TMEM132B: variants seen among roughly 807,000 people sequenced by gnomAD.
TMEM132B encodes the protein transmembrane protein 132B.
In TMEM132B, 18 loss-of-function variants were observed where a neutral mutation model predicts 90.8. The ratio of observed to expected loss-of-function variants is 0.20; its 90% CI spans 0.14 to 0.29. The LOEUF (loss-of-function observed/expected upper bound fraction) is 0.29, where lower values mean the gene tolerates loss of function less well. Among genes scored for constraint, TMEM132B ranks in the 10% least tolerant of loss-of-function variants. The pLI is 1.00. For missense variants in TMEM132B, 1,096 were observed against 1,326.8 expected, an observed-to-expected ratio of 0.83 and a Z score of 2.70; for synonymous variants, 504 against 523.3, an observed-to-expected ratio of 0.96 and a Z score of 0.50.
intron 4 of TMEM132B, among the ~76,000 whole-genome samples, chr12:125,570,108 C>A (rs974731932): frequency 5.3e-5 from 8 of 152,270 alleles, no homozygotes; most frequent in Admixed American, 1.3e-4. Flanking sequence ...TCCTACTCCA[C>A]CCCGGGCAGT....
chr12:125,290,616 TG>T (rs1466345396), intron 1 of TMEM132B, among the ~76,000 whole-genome samples: 2 of 152,266 alleles, frequency 1.3e-5, no homozygotes, highest in Non-Finnish European at 2.9e-5. Flanking sequence ...GGGACTCATC[TG>T]TGCTGATCTA....
intron 4 of TMEM132B, among the ~76,000 whole-genome samples, chr12:125,554,427 TAAAAAAAAAAAAAAAA>T (rs71447048): frequency 1.4e-5 from 1 of 69,480 alleles, no homozygotes; most frequent in African/African-American, 5.0e-5. Flanking sequence ...TCCATTTCAT[TAAAAAAAAAAAAAAAA>T]AAAAAAAAAA....
chr12:125,627,985 A>G (rs1886274007), intron 5 of TMEM132B, among the ~76,000 whole-genome samples: 1 of 152,196 alleles, frequency 6.6e-6, no homozygotes, highest in Non-Finnish European at 1.5e-5. Flanking sequence ...GTTGCAAATG[A>G]CAAGAGCTCA....
chr12:125,523,323 C>T (rs1212732832), intron 4 of TMEM132B, among the ~76,000 whole-genome samples: 6 of 152,000 alleles, frequency 3.9e-5, no homozygotes, highest in East Asian at 3.9e-4. Flanking sequence ...TATTCTGTAC[C>T]GTTTCCAGCT....
chr12:125,258,414 A>G (rs1013074245), intron 1 of TMEM132B, among the ~76,000 whole-genome samples: 15 of 152,216 alleles, frequency 9.9e-5, no homozygotes, highest in Admixed American at 9.2e-4. Context: ...GGAAGCACCA[A>G]TGACTTCCTC....
chr12:125,363,633 G>C (rs1228223327), intron 2 of TMEM132B, among the ~76,000 whole-genome samples: 1 of 152,130 alleles, frequency 6.6e-6, no homozygotes, highest in Non-Finnish European at 1.5e-5. Flanking sequence ...CAGGCACTTT[G>C]CTATGTGCTT....
intron 5 of TMEM132B, among the ~76,000 whole-genome samples, chr12:125,640,579 G>A (rs746906509): frequency 6.6e-6 from 1 of 152,162 alleles, no homozygotes; most frequent in African/African-American, 2.4e-5. Context: ...CCCCTGTAAG[G>A]TGTTTGGATT....
In TMEM132B at chr12:125,209,413, T is replaced by G. The variant is rs1476731844; in HGVS notation, c.67+22547T>G. 6.6e-6 allele frequency among the ~76,000 whole-genome samples: 1 copy of G among 152,188 alleles called. No homozygotes were observed. Among genetic ancestry groups the G allele is most frequent in the Non-Finnish European group, 1.5e-5 (1 of 68,020 alleles). ...CAGTGGCAGCAGAGTGGCTGGTCAC[T>G]GGGACAGTGCTCGACTGGGGGAAGG... On this transcript the variant is annotated intron_variant, in intron 1 of 8. Transcript: ENST00000682704. This position sits in a 1 kb window ranked among gnomAD's most constrained non-coding sequence, Gnocchi z 4.4.
At chr12:125,346,816 G>A (rs1877383266) in intron 1 of TMEM132B, among the ~76,000 whole-genome samples, 1 of 152,224 alleles carries the variant, frequency 6.6e-6, no homozygotes, top group Non-Finnish European at 1.5e-5. Flanking sequence ...ATAGATTTGA[G>A]ATAATTTAAA....
intron 3 of TMEM132B, among the ~76,000 whole-genome samples, chr12:125,513,047 T>G (rs1883022127): frequency 6.6e-6 from 1 of 152,174 alleles, no homozygotes; most frequent in Admixed American, 6.5e-5. Flanking sequence ...CTGCCTGTCA[T>G]CTAGCCCAGT....
At chr12:125,411,478 C>T (rs1272538793) in intron 2 of TMEM132B, among the ~76,000 whole-genome samples, 2 of 151,718 alleles carry the variant, frequency 1.3e-5, no homozygotes, top group Non-Finnish European at 2.9e-5. Flanking sequence ...CAAACCTGCA[C>T]GTTCAGCACA....
At chr12:125,544,567 A>C (rs761345549) in intron 4 of TMEM132B, among the ~76,000 whole-genome samples, 1 of 152,218 alleles carries the variant, frequency 6.6e-6, no homozygotes, top group Non-Finnish European at 1.5e-5. Context: ...TGATATCAGT[A>C]GAAGGGAAAA....
chr12:125,238,448 G>C (rs868114104), intron 1 of TMEM132B, among the ~76,000 whole-genome samples: 2 of 151,648 alleles, frequency 1.3e-5, no homozygotes, highest in African/African-American at 4.8e-5. Context: ...GTGTAATTTG[G>C]TTTTCTGTCC....
At chr12:125,296,398 G>A (rs1356001572) in intron 1 of TMEM132B, among the ~76,000 whole-genome samples, 1 of 152,084 alleles carries the variant, frequency 6.6e-6, no homozygotes. Context: ...CCCAGATCCC[G>A]TCTTCCCAGG....
chr12:125,212,167 G>A (rs1873334017), intron 1 of TMEM132B, among the ~76,000 whole-genome samples: 1 of 152,048 alleles, frequency 6.6e-6, no homozygotes, highest in Non-Finnish European at 1.5e-5. Flanking sequence ...TTCGATGGCA[G>A]GGCTTCCTAT....
intron 3 of TMEM132B, among the ~76,000 whole-genome samples, chr12:125,452,631 C>T (rs1241435737): frequency 6.6e-6 from 1 of 152,180 alleles, no homozygotes; most frequent in Non-Finnish European, 1.5e-5. Context: ...ACAGCCTCCT[C>T]AGTGCTTGAC....
chr12:125,257,511 C>T (rs959745546), intron 1 of TMEM132B, among the ~76,000 whole-genome samples: 1 of 152,112 alleles, frequency 6.6e-6, no homozygotes, highest in East Asian at 1.9e-4. Context: ...GGGTGGTGTG[C>T]GGGAGCTGCT....
chr12:125,316,679 G>A (rs1054237609), intron 1 of TMEM132B, among the ~76,000 whole-genome samples: 3 of 139,996 alleles, frequency 2.1e-5, no homozygotes, highest in South Asian at 2.4e-4. Flanking sequence ...AGCTCATTCC[G>A]GAAGAGGGGG....
At chr12:125,224,447 C>G (rs978399480) in intron 1 of TMEM132B, among the ~76,000 whole-genome samples, 3 of 150,988 alleles carry the variant, frequency 2.0e-5, no homozygotes, top group African/African-American at 7.4e-5. Flanking sequence ...CGACTGTTTT[C>G]TGATATTAAG....
Sources: gnomAD v4.1 joint callset for allele counts (sites outside exome capture counted in the v4.1 genomes callset) on GRCh38, gnomAD v4.1.1 for gene constraint, Gnocchi (gnomAD v3.1) non-coding constraint, MANE v1.5 for transcripts, NCBI Gene and HGNC (gene_info 2026-07-23, HGNC 2026-07-21) for gene names.